ZC3H11A: variants seen among roughly 807,000 people sequenced by gnomAD.
ZC3H11A encodes zinc finger CCCH domain-containing protein 11A.
In ZC3H11A, 22 loss-of-function variants were observed where a neutral mutation model predicts 90.8. The ratio of observed to expected loss-of-function variants is 0.24; its 90% CI spans 0.17 to 0.35. The LOEUF (loss-of-function observed/expected upper bound fraction) is 0.35. Ranked by LOEUF, ZC3H11A falls within the 10% of genes least tolerant of loss-of-function variation. ZC3H11A has a pLI of 1.00. For missense variants in ZC3H11A, 701 were observed against 964.9 expected (o/e 0.73, Z 3.62); for synonymous variants, 294 against 339.8 (o/e 0.87, Z 1.48).
intron 1 of ZC3H11A, chr1:203,797,414 C>A: frequency 9.1e-7 from 1 of 1,099,420 alleles, no homozygotes; most frequent in Non-Finnish European, 1.2e-6. Flanking sequence ...TTTGATTCCC[C>A]ATAGAAACTG....
chr1:203,847,678 A>G lies in ZC3H11A; in HGVS notation c.1537A>G (p.Lys513Glu). Reference sequence around the variant, plus strand: ...GGCAAGGCGGCTGCTGCGAATCACCAAAAGAACAGGTAACAAGAGAACTTG... The same window carrying G: ...GGCAAGGCGGCTGCTGCGAATCACCGAAAGAACAGGTAACAAGAGAACTTG... Reference protein sequence around the residue: ...PGARRLLRITKRTGMKEEKNL... With the variant: ...PGARRLLRITERTGMKEEKNL... Residue 513 changes from lysine (K) to glutamate (E), a missense_variant, in exon 13 of 18, where the codon AAA (lysine) becomes GAA (glutamate). By Grantham distance (56) the Lys-to-Glu change is moderately conservative. Around this residue, in one of 4 missense-constraint regions of ZC3H11A, gnomAD observed 530 missense variants for 696.2 expected, o/e 0.76. Transcript: ENST00000367210. 1.2e-6 allele frequency: 2 copies of G among 1,612,142 alleles called. No homozygotes were observed. The highest frequency in any genetic ancestry group is 1.7e-6 in the Non-Finnish European group (2 of 1,179,750).
intron 1 of ZC3H11A, chr1:203,798,617 C>G: frequency 2.0e-6 from 3 of 1,536,100 alleles, no homozygotes; most frequent in Non-Finnish European, 2.6e-6. Flanking sequence ...ACCTTAGTGA[C>G]TCTGATTCAG....
chr1:203,796,736 A>C (rs16852334), intron 1 of ZC3H11A: 43,860 of 333,346 alleles, frequency 0.13, 3,182 homozygotes, highest in Non-Finnish European at 0.14. Context: ...AAAGCTTCTC[A>C]AGTCTAAAAA....
chr1:203,819,197 C>T (rs907833376), intron 4 of ZC3H11A, among the ~76,000 whole-genome samples: 43 of 150,148 alleles, frequency 2.9e-4, no homozygotes, highest in African/African-American at 9.8e-4. Flanking sequence ...CACAACTTTC[C>T]TCTATGCAAT....
intron 12 of ZC3H11A, among the ~76,000 whole-genome samples, chr1:203,842,292 A>G (rs1400660648): frequency 1.3e-5 from 2 of 152,128 alleles, no homozygotes; most frequent in African/African-American, 2.4e-5. Flanking sequence ...ACGCCACTGC[A>G]CTCCAGCCTG....
chr1:203,841,825 G>C (rs1170091245), intron 12 of ZC3H11A, among the ~76,000 whole-genome samples: 7 of 144,562 alleles, frequency 4.8e-5, no homozygotes, highest in Non-Finnish European at 9.3e-5. Context: ...CGGGCGGAGG[G>C]GCTCCTCACT....
At position 203,818,983 on chromosome 1, in the gene ZC3H11A, C is replaced by T. The variant is rs548915697; in HGVS notation, c.174+294C>T. Reference sequence around the variant, plus strand: ...ACTCGGGAGGCTGAGGCAGGAAAATCGCTCGAACCAGGGAGTTGGAGGTTG... The same window carrying T: ...ACTCGGGAGGCTGAGGCAGGAAAATTGCTCGAACCAGGGAGTTGGAGGTTG... On this transcript the variant is annotated intron_variant, in intron 4 of 17. Transcript: ENST00000367210. Among the ~76,000 whole-genome samples the T allele has an allele frequency of 4.6e-5, 7 of 151,006 alleles. No homozygotes were observed. The South Asian group carries it at 1.1e-3, about 23-fold the overall frequency.
chr1:203,840,192 G>A, intron 11 of ZC3H11A, 114 bp from the exon 12 acceptor site: 2 of 965,654 alleles, frequency 2.1e-6, no homozygotes, highest in Non-Finnish European at 3.2e-6. Flanking sequence ...GCCTGCCTTG[G>A]CCTCCCAAAG....
intron 12 of ZC3H11A, among the ~76,000 whole-genome samples, chr1:203,846,144 A>G (rs1687839850): frequency 7.1e-6 from 1 of 141,728 alleles, no homozygotes; most frequent in African/African-American, 2.5e-5. Flanking sequence ...AAGATTTTGA[A>G]AAGATATAAT....
intron 13 of ZC3H11A, 94 bp downstream of exon 13, chr1:203,847,781 T>A: frequency 6.6e-7 from 1 of 1,511,390 alleles, no homozygotes. Context: ...TTGACAACCT[T>A]TCTTTACTCA....
chr1:203,848,790 A>G (rs1688576548), intron 14 of ZC3H11A, among the ~76,000 whole-genome samples: 1 of 152,130 alleles, frequency 6.6e-6, no homozygotes. Flanking sequence ...GTTTTTTCTA[A>G]TGCTATGCAT....
In ZC3H11A at chr1:203,831,234, T is replaced by C. The variant is rs893550798; in HGVS notation, c.701-427T>C. 2.0e-5 allele frequency among the ~76,000 whole-genome samples: 3 copies of C among 152,128 alleles called. 1 individual carries two copies. The East Asian group carries it at 5.8e-4, about 29-fold the overall frequency. The stretch of plus-strand genomic sequence containing the variant: ...AAAATTTATAGTGTGAAGTGTAGTA[T>C]ATATAGAGAGAAATGGTTCTAAAAA... On this transcript the variant is annotated intron_variant, in intron 8 of 17. Coordinates refer to ENST00000367210, the MANE Select transcript of ZC3H11A (RefSeq NM_001376342.1).
At chr1:203,836,728 A>G (rs886873785) in intron 10 of ZC3H11A, among the ~76,000 whole-genome samples, 1 of 152,214 alleles carries the variant, frequency 6.6e-6, no homozygotes, top group African/African-American at 2.4e-5. Context: ...GTGAGCTGAG[A>G]TCTTCCCACT....
chr1:203,819,184 A>G (rs556928750), intron 4 of ZC3H11A, among the ~76,000 whole-genome samples: 10 of 151,292 alleles, frequency 6.6e-5, no homozygotes, highest in Admixed American at 4.6e-4. Context: ...GTGTATATAT[A>G]TACACAACTT....
rs765335556 is a variant in ZC3H11A, at chr1:203,810,423, G to GT, written c.-145-6489dup. On this transcript the variant is annotated intron_variant, in intron 2 of 17. Coordinates refer to ENST00000367210, the MANE Select transcript of ZC3H11A (RefSeq NM_001376342.1). ...TCTTGTTTTACATTGTAGCTGTTAG[G>GT]TTTTTTTTTTTTTTGAGACAGAGTC... Among the ~76,000 whole-genome samples the GT allele has an allele frequency of 2.8e-3, 394 of 138,722 alleles. 2 individuals carry two copies. The highest frequency in any genetic ancestry group is 7.4e-3 in the Middle Eastern group (2 of 270). The allele number at this position is 138,722 out of a possible 152,430, so 91.0% of individuals were successfully genotyped here.
intron 12 of ZC3H11A, among the ~76,000 whole-genome samples, chr1:203,842,466 C>T (rs538240970): frequency 2.6e-5 from 4 of 152,034 alleles, no homozygotes; most frequent in Admixed American, 1.3e-4. Context: ...AGTGTGGCGG[C>T]GCGCGCCTGC....
At chr1:203,815,246 G>A (rs1303484774) in intron 2 of ZC3H11A, among the ~76,000 whole-genome samples, 3 of 112,114 alleles carry the variant, frequency 2.7e-5, no homozygotes, top group African/African-American at 3.5e-5. Context: ...ACAGTGTCTC[G>A]CTCTGTTGCC....
intron 2 of ZC3H11A, among the ~76,000 whole-genome samples, chr1:203,808,034 G>A (rs1253856721): frequency 6.6e-6 from 1 of 152,016 alleles, no homozygotes; most frequent in Non-Finnish European, 1.5e-5. Flanking sequence ...GAGCCACCAT[G>A]CCTGGCCTGT....
At position 203,847,363 on chromosome 1, in the gene ZC3H11A, G is replaced by C. The variant is rs779090493; in HGVS notation, c.1222G>C (p.Glu408Gln). Residue 408 changes from glutamate (E) to glutamine (Q), a missense_variant, in exon 13 of 18, where the codon GAG becomes CAG. Glu to Gln is a conservative substitution (Grantham distance 29, BLOSUM62 2). Around this residue, in one of 4 missense-constraint regions of ZC3H11A, gnomAD observed 530 missense variants for 696.2 expected, o/e 0.76. Coordinates refer to ENST00000367210, the MANE Select transcript of ZC3H11A (RefSeq NM_001376342.1). ...CACTATCCGTATCAAAACCTTCTCT[G>C]AGGTCCTGGCTGAAAAAAAACATCG... is the stretch of plus-strand genomic sequence containing the variant. The part of the protein sequence containing the change: ...SSTIRIKTFS[E>Q]VLAEKKHRQQ... 14 of 1,613,830 alleles carry C rather than the reference G, an allele frequency of 8.7e-6. No individual in the cohort carries two copies. Among genetic ancestry groups the C allele is most frequent in the Non-Finnish European group, 1.2e-5 (14 of 1,179,848 alleles).
Sources: gnomAD v4.1 joint callset for allele counts (sites outside exome capture counted in the v4.1 genomes callset) on GRCh38, gnomAD v4.1.1 for gene constraint, gnomAD v4.1.1 regional missense constraint, MANE v1.5 for transcripts, NCBI Gene and HGNC (gene_info 2026-07-23, HGNC 2026-07-21) for gene names.